The following CTNND2 variants were observed in gnomAD, a reference collection of about 807,000 sequenced individuals.
The protein encoded by CTNND2 is catenin delta-2.
Under a neutral mutation model 144.4 loss-of-function variants are expected in CTNND2, and 22 were observed. The ratio of observed to expected loss-of-function variants is 0.15; its 90% confidence interval spans 0.11 to 0.22. The LOEUF (loss-of-function observed/expected upper bound fraction) is 0.22, where lower values mean the gene tolerates loss of function less well. CTNND2 is among the 10% of genes least tolerant of loss of function. CTNND2 has a pLI of 1.00. For missense variants in CTNND2, 1,353 were observed against 1,618.8 expected (o/e 0.84, Z 2.82); for synonymous variants, 751 against 695.6 (o/e 1.08, Z -1.25).
At chr5:11,111,668 T>G (rs553776354) in intron 13 of CTNND2, among the ~76,000 whole-genome samples, 2 of 152,316 alleles carry the variant, frequency 1.3e-5, no homozygotes, top group Non-Finnish European at 2.9e-5. Context: ...CAGACACCTG[T>G]AGAACCCTAG....
intron 6 of CTNND2, among the ~76,000 whole-genome samples, chr5:11,396,634 TCCCA>T (rs1760165933): frequency 6.6e-6 from 1 of 152,088 alleles, no homozygotes; most frequent in African/African-American, 2.4e-5. Flanking sequence ...CACAAAGCAA[TCCCA>T]TGCTTTTTTT....
intron 12 of CTNND2, among the ~76,000 whole-genome samples, chr5:11,135,101 AC>A (rs1312211873): frequency 6.6e-6 from 1 of 152,088 alleles, no homozygotes; most frequent in African/African-American, 2.4e-5. Context: ...AAAATTGTGC[AC>A]TTAACCAGCT....
chr5:11,668,521 C>T (rs1285015963), intron 2 of CTNND2, among the ~76,000 whole-genome samples: 1 of 151,830 alleles, frequency 6.6e-6, no homozygotes, highest in Admixed American at 6.6e-5. Flanking sequence ...ATTCTCTTTG[C>T]AGCAATTGTG....
intron 6 of CTNND2, among the ~76,000 whole-genome samples, chr5:11,395,803 A>G (rs1057447971): frequency 3.9e-5 from 6 of 152,218 alleles, no homozygotes; most frequent in African/African-American, 1.4e-4. Context: ...GGAAATCCAA[A>G]AAACTTCCAG....
rs1362663279 is a variant in CTNND2 at position 11,468,435 on chromosome 5, TACTC to T, written c.288-56370_288-56367del. Among the ~76,000 whole-genome samples, 7 of 152,268 alleles carry T rather than the reference TACTC, an allele frequency of 4.6e-5. No homozygotes were observed. In the South Asian group the frequency reaches 6.2e-4, roughly 14 times the overall value. ...GGATACTTTTTAATCAAAGCAAACT[TACTC>T]AGGATAAAAATTCAGGGAACCATTT... On this transcript the variant is annotated intron_variant, in intron 3 of 21. Transcript: ENST00000304623.
At chr5:11,128,748 T>TAA (rs1754956843) in intron 12 of CTNND2, among the ~76,000 whole-genome samples, 2 of 62,120 alleles carry the variant, frequency 3.2e-5, no homozygotes, top group South Asian at 1.1e-3. Flanking sequence ...TATTTATATA[T>TAA]ATTATATATA....
chr5:11,702,513 T>C (rs2126673872), intron 2 of CTNND2, among the ~76,000 whole-genome samples: 1 of 152,306 alleles, frequency 6.6e-6, no homozygotes, highest in African/African-American at 2.4e-5. Flanking sequence ...GCTCTGCTTC[T>C]CTTTTTCCAC....
chr5:11,695,580 G>C (rs952162203), intron 2 of CTNND2, among the ~76,000 whole-genome samples: 1 of 152,020 alleles, frequency 6.6e-6, no homozygotes, highest in Non-Finnish European at 1.5e-5. Context: ...TCTATTTCTT[G>C]AGAAAAAATG....
intron 1 of CTNND2, among the ~76,000 whole-genome samples, chr5:11,780,002 C>T (rs1307813507): frequency 6.6e-6 from 1 of 152,178 alleles, no homozygotes; most frequent in African/African-American, 2.4e-5. Flanking sequence ...AAGATAAAAG[C>T]AGGGCCTCCA....
chr5:11,454,791 G>C (rs995475846), intron 3 of CTNND2, among the ~76,000 whole-genome samples: 1 of 151,502 alleles, frequency 6.6e-6, no homozygotes, highest in African/African-American at 2.4e-5. Flanking sequence ...AGTAGAGATG[G>C]GGGCTTCACT....
intron 3 of CTNND2, among the ~76,000 whole-genome samples, chr5:11,442,811 ATATAATATATAATGAT>A (rs1764380038): frequency 6.9e-6 from 1 of 144,160 alleles, no homozygotes; most frequent in Admixed American, 7.0e-5. Context: ...ATATAATTTT[ATATAATATATAATGAT>A]TATATTATAA....
chr5:11,333,783 T>C (rs1288524252), intron 9 of CTNND2, among the ~76,000 whole-genome samples: 5 of 152,158 alleles, frequency 3.3e-5, no homozygotes, highest in Admixed American at 6.5e-5. Flanking sequence ...GGCAGGCAGG[T>C]TGACTCCTCA....
chr5:11,199,395 T>C, intron 11 of CTNND2, 53 bp downstream of exon 11: 1 of 1,500,194 alleles, frequency 6.7e-7, no homozygotes, highest in Non-Finnish European at 9.2e-7. Context: ...CTGTGTTGGA[T>C]AATGGAAAGT....
At chr5:11,037,643 AT>A (rs1335858485) in intron 16 of CTNND2, among the ~76,000 whole-genome samples, 2 of 152,192 alleles carry the variant, frequency 1.3e-5, no homozygotes, top group Non-Finnish European at 2.9e-5. Context: ...TACTGTTCTG[AT>A]TTGAATCGGG....
intron 7 of CTNND2, among the ~76,000 whole-genome samples, chr5:11,383,400 C>T (rs1758719752): frequency 6.6e-6 from 1 of 152,204 alleles, no homozygotes; most frequent in South Asian, 2.1e-4. Flanking sequence ...AAGCAGATCG[C>T]TACTCCTGAG....
chr5:11,341,883 G>A (rs1754309116), intron 9 of CTNND2, among the ~76,000 whole-genome samples: 2 of 152,136 alleles, frequency 1.3e-5, no homozygotes, highest in African/African-American at 4.8e-5. Flanking sequence ...CTTGTGGCCA[G>A]CCTGTAGTCC....
chr5:11,643,193 T>C (rs1253113876), intron 2 of CTNND2, among the ~76,000 whole-genome samples: 3 of 152,078 alleles, frequency 2.0e-5, no homozygotes, highest in Admixed American at 6.6e-5. Flanking sequence ...TTGCACGTTT[T>C]AGTTCATACA....
intron 2 of CTNND2, among the ~76,000 whole-genome samples, chr5:11,574,981 T>C (rs1777864142): frequency 6.6e-6 from 1 of 152,208 alleles, no homozygotes; most frequent in African/African-American, 2.4e-5. Flanking sequence ...TCCTCAAGTC[T>C]AGCAAAAATG....
At chr5:11,016,812 C>T (rs1016844107) in intron 18 of CTNND2, among the ~76,000 whole-genome samples, 1 of 152,062 alleles carries the variant, frequency 6.6e-6, no homozygotes, top group Non-Finnish European at 1.5e-5. Flanking sequence ...GCTCTGTTGC[C>T]CAGGCTACAG....
Sources: gnomAD v4.1 joint callset for allele counts (sites outside exome capture counted in the v4.1 genomes callset) on GRCh38, gnomAD v4.1.1 for gene constraint, MANE v1.5 for transcripts, NCBI Gene and HGNC (gene_info 2026-07-23, HGNC 2026-07-21) for gene names.